Variants in BPTF observed in about 807,000 individuals in gnomAD.
The protein encoded by BPTF is bromodomain PHD finger transcription factor.
A neutral mutation model predicts 292.5 loss-of-function variants in BPTF; 18 were observed. The ratio of observed to expected loss-of-function variants is 0.06; its 90% confidence interval spans 0.04 to 0.09. The LOEUF (loss-of-function observed/expected upper bound fraction) is 0.09, where lower values mean the gene tolerates loss of function less well. Ranked by LOEUF, BPTF falls within the 10% of genes least tolerant of loss-of-function variation. The pLI is 1.00. For synonymous variants in BPTF, 1,225 were observed against 1,251.9 expected, an observed-to-expected ratio of 0.98 and a Z score of 0.45; for missense variants, 2,726 against 3,498.7, an observed-to-expected ratio of 0.78 and a Z score of 5.57.
chr17:67,876,867 A>T (rs1290036445), intron 4 of BPTF, among the ~76,000 whole-genome samples: 1 of 152,196 alleles, frequency 6.6e-6, no homozygotes, highest in Non-Finnish European at 1.5e-5. Flanking sequence ...AAGAAGTTTC[A>T]AGGAAACTAG....
intron 5 of BPTF, 54 bp downstream of exon 5, chr17:67,892,088 T>G: frequency 7.7e-7 from 1 of 1,290,442 alleles, no homozygotes; most frequent in East Asian, 2.7e-5. Context: ...TAATTTTAAT[T>G]ACCACACCTT....
chr17:67,828,706 T>G (rs2056355755), intron 1 of BPTF, among the ~76,000 whole-genome samples: 1 of 152,124 alleles, frequency 6.6e-6, no homozygotes, highest in Non-Finnish European at 1.5e-5. Flanking sequence ...TTTTGTATTT[T>G]TAGTAATGAC....
At chr17:67,827,706 A>G (rs993492168) in intron 1 of BPTF, among the ~76,000 whole-genome samples, 1 of 152,152 alleles carries the variant, frequency 6.6e-6, no homozygotes, top group Admixed American at 6.6e-5. Context: ...ATGCTTAAAT[A>G]CTTATTGGAG....
At chr17:67,889,484 C>G (rs1303789350) in intron 4 of BPTF, among the ~76,000 whole-genome samples, 2 of 152,204 alleles carry the variant, frequency 1.3e-5, no homozygotes, top group East Asian at 1.9e-4. Flanking sequence ...AAGAACTAAC[C>G]ACCATAGTTC....
chr17:67,951,221 T>C (rs1555678402), intron 23 of BPTF: 5 of 152,024 alleles, frequency 3.3e-5, no homozygotes, highest in Non-Finnish European at 7.3e-5. Context: ...TTCTCAGAGG[T>C]TGGGAGGTGG....
chr17:67,842,707 A>C (rs1411490310), intron 1 of BPTF, among the ~76,000 whole-genome samples: 1 of 151,440 alleles, frequency 6.6e-6, no homozygotes, highest in Non-Finnish European at 1.5e-5. Flanking sequence ...ACTGTCCCCA[A>C]CTTTAAGCCT....
chr17:67,960,096 T>A, intron 24 of BPTF: 1 of 447,186 alleles, frequency 2.2e-6, no homozygotes, highest in East Asian at 3.8e-5. Context: ...TATATTCTTT[T>A]CTGTCAAAAA....
At chr17:67,935,715 G>A (rs1017761627) in intron 18 of BPTF, among the ~76,000 whole-genome samples, 5 of 152,070 alleles carry the variant, frequency 3.3e-5, no homozygotes, top group African/African-American at 1.2e-4. Flanking sequence ...AATTAACTGG[G>A]AATGTTGACA....
chr17:67,879,866 A>C (rs2060283516), intron 4 of BPTF, among the ~76,000 whole-genome samples: 1 of 152,128 alleles, frequency 6.6e-6, no homozygotes, highest in Non-Finnish European at 1.5e-5. Context: ...CGAGAGCATT[A>C]ATCTGCTCTT....
intron 2 of BPTF, among the ~76,000 whole-genome samples, chr17:67,859,624 GT>G (rs2058955000): frequency 6.6e-6 from 1 of 152,138 alleles, no homozygotes; most frequent in African/African-American, 2.4e-5. Flanking sequence ...CTGTAGTCTA[GT>G]TTTCAAACCT....
rs1451913470 is a variant in BPTF at position 67,971,619 on chromosome 17, C to T, written c.8540-4153C>T. Among the ~76,000 whole-genome samples, 5 of 152,064 alleles carry T rather than the reference C, an allele frequency of 3.3e-5. No individual in the cohort carries two copies. The East Asian group carries it at 7.8e-4, about 24-fold the overall frequency. ...AAGAGTTCAAGACCAGCCTGGCCAACATGGCGAAACCCCGTCTCTACTAAA... is the reference window on the plus strand; with the variant it reads ...AAGAGTTCAAGACCAGCCTGGCCAATATGGCGAAACCCCGTCTCTACTAAA... On this transcript the variant is annotated intron_variant, in intron 26 of 27. Transcript: ENST00000306378.
At chr17:67,869,979 G>A (rs1400877789) in intron 3 of BPTF, among the ~76,000 whole-genome samples, 3 of 128,308 alleles carry the variant, frequency 2.3e-5, no homozygotes, top group African/African-American at 5.9e-5. Context: ...CAGCCTGGGC[G>A]ACACAGAGCG....
intron 2 of BPTF, among the ~76,000 whole-genome samples, chr17:67,855,768 A>C (rs1338839893): frequency 2.0e-5 from 3 of 152,234 alleles, no homozygotes; most frequent in Admixed American, 6.5e-5. Context: ...GCCCTCTTCC[A>C]GTTCTTAGAA....
chr17:67,945,763 G>C lies in BPTF; in HGVS notation c.7055G>C (p.Arg2352Pro). Reference sequence around the variant, plus strand: ...CAAAGTCCATCACAGACTCGAATACGTCCATCAACTCCATCCCAACTGTCT... The same window carrying C: ...CAAAGTCCATCACAGACTCGAATACCTCCATCAACTCCATCCCAACTGTCT... ...RVQSPSQTRI[R>P]PSTPSQLSPG... The change falls in exon 21 of 28, where the codon CGT (arginine) becomes CCT (proline). Residue 2352 changes from arginine (R) to proline (P), a missense_variant. Arg to Pro is a moderately radical substitution (Grantham distance 103, BLOSUM62 -2). This residue lies in a region of BPTF where 570 missense variants were observed against 633.5 expected (regional missense o/e 0.90). Coordinates refer to ENST00000306378, the MANE Select transcript of BPTF (RefSeq NM_182641.4). The C allele has an allele frequency of 6.2e-7, 1 of 1,614,052 alleles. No individual in the cohort carries two copies. The highest frequency in any genetic ancestry group is 8.5e-7 in the Non-Finnish European group (1 of 1,180,032).
chr17:67,884,356 T>C (rs950915155), intron 4 of BPTF, among the ~76,000 whole-genome samples: 5 of 151,656 alleles, frequency 3.3e-5, no homozygotes, highest in African/African-American at 4.8e-5. Flanking sequence ...CCTCAGGTGA[T>C]CCGCCCACCT....
chr17:67,897,306 A>G (rs1405773134), intron 7 of BPTF, among the ~76,000 whole-genome samples: 1 of 136,546 alleles, frequency 7.3e-6, no homozygotes, highest in Admixed American at 8.4e-5. Context: ...ATGCCATTGC[A>G]CTCCAGCCTA....
chr17:67,976,049 G>T, intron 27 of BPTF, 91 bp downstream of exon 27: 1 of 1,013,802 alleles, frequency 9.9e-7, no homozygotes. Flanking sequence ...GCAGTTTATG[G>T]TAAATTTAAC....
intron 1 of BPTF, among the ~76,000 whole-genome samples, chr17:67,839,914 C>T (rs1469914765): frequency 1.3e-5 from 2 of 151,936 alleles, no homozygotes; most frequent in African/African-American, 2.4e-5. Flanking sequence ...TGAAGAGTTC[C>T]GGTTGCCCTG....
Position 67,912,143 on chromosome 17 carries a change from G to A in BPTF, c.4259G>A (p.Gly1420Asp). Residue 1420 changes from glycine to aspartate, a missense_variant, in exon 11 of 28, where the codon GGT becomes GAT. By Grantham distance (94) the Gly-to-Asp change is moderately conservative. Coordinates refer to ENST00000306378, the MANE Select transcript of BPTF (RefSeq NM_182641.4). ...KDNKPKIYLK[G>D]ECLKEISESR... ...AATAAACCCAAAATATATTTGAAAG[G>A]TGAATGCTTGAAAGAAATTTCTGAG... 6.2e-7 allele frequency: 1 copy of A among 1,612,240 alleles called. No homozygotes were observed. Among genetic ancestry groups the A allele is most frequent in the Non-Finnish European group, 8.5e-7 (1 of 1,179,270 alleles).
Sources: gnomAD v4.1 joint callset for allele counts (sites outside exome capture counted in the v4.1 genomes callset) on GRCh38, gnomAD v4.1.1 for gene constraint, gnomAD v4.1.1 regional missense constraint, MANE v1.5 for transcripts, NCBI Gene and HGNC (gene_info 2026-07-23, HGNC 2026-07-21) for gene names.